The following ATG4A variants were observed in gnomAD, a reference collection of about 807,000 sequenced individuals.
ATG4A encodes the protein cysteine protease ATG4A.
A neutral mutation model predicts 38.4 loss-of-function variants in ATG4A; 22 were observed. That is an observed-to-expected ratio of 0.57 (90% CI 0.41 to 0.82). ATG4A has a LOEUF of 0.82. ATG4A is among the 40% of genes least tolerant of loss of function. The pLI, the probability that ATG4A is intolerant of heterozygous loss-of-function variation, is 0.00. For synonymous variants in ATG4A, 86 were observed against 100.7 expected (o/e 0.85, Z 0.88); for missense variants, 220 against 290.0 (o/e 0.76, Z 1.75).
At chrX:108,112,648 G>A (rs900882074) in intron 1 of ATG4A, among the ~76,000 whole-genome samples, 2 of 110,755 alleles carry the variant, frequency 1.8e-5, no homozygotes, top group Non-Finnish European at 3.8e-5. Context: ...GCCCGCCTCC[G>A]CCTCCCAAAG....
intron 9 of ATG4A, 66 bp from the exon 10 acceptor site, chrX:108,150,086 C>G: frequency 8.8e-7 from 1 of 1,130,466 alleles, no homozygotes; most frequent in East Asian, 3.0e-5. Context: ...AGTGCCTCCT[C>G]CCAACAACAG....
In ATG4A at chrX:108,148,020, A is replaced by AAT. The variant is rs60886281; in HGVS notation, c.815-2077_815-2076dup. Among the ~76,000 whole-genome samples, 142 of 79,929 alleles carry AAT rather than the reference A, an allele frequency of 1.8e-3. 1 individual carries two copies. Among genetic ancestry groups the AAT allele is most frequent in the Non-Finnish European group, 2.6e-3 (111 of 42,028 alleles). 69.4% of individuals were successfully genotyped at this position (79,929 alleles called of 115,157 possible). ...CTCTAGAGGGACAGAACTAATGGAA[A>AAT]ATATATATATATATATATATATATA... On this transcript the variant is annotated intron_variant, in intron 9 of 12. Coordinates refer to ENST00000372232, the MANE Select transcript of ATG4A (RefSeq NM_052936.5).
rs188786829 is a variant in ATG4A, at chrX:108,137,978, T to C, written c.722T>C (p.Val241Ala). 7.3e-4 allele frequency: 876 copies of C among 1,199,653 alleles called. No individual in the cohort carries two copies. Among genetic ancestry groups the C allele is most frequent in the Non-Finnish European group, 8.6e-4 (768 of 890,198 alleles). The change falls in exon 8 of 13, where the codon GTT (valine) becomes GCT (alanine). Residue 241 changes from valine (V) to alanine (A), a missense_variant. This residue lies in a region of ATG4A where 159 missense variants were observed against 188.9 expected (regional missense o/e 0.84). Coordinates refer to ENST00000372232, the MANE Select transcript of ATG4A (RefSeq NM_052936.5). ...ATAAACCAAATCAATCCTGTCTATG[T>C]TGATGCATTCAAAGTAAGTCACTTC... ...LGINQINPVYVDAFKECFKMP... is the reference protein window; with the variant it reads ...LGINQINPVYADAFKECFKMP...
At chrX:108,107,534 CT>C (rs1233205489) in intron 1 of ATG4A, among the ~76,000 whole-genome samples, 1 of 112,237 alleles carries the variant, frequency 8.9e-6, no homozygotes, top group East Asian at 2.8e-4. Context: ...TGTTGAATGT[CT>C]TTTCTCATTC....
intron 9 of ATG4A, among the ~76,000 whole-genome samples, chrX:108,138,955 G>C (rs2033171107): frequency 8.9e-6 from 1 of 111,898 alleles, no homozygotes; most frequent in African/African-American, 3.3e-5. Context: ...CTAAACACCT[G>C]GTTAGTGTTG....
chrX:108,137,911 G>A lies in ATG4A; in HGVS notation c.655G>A (p.Ala219Thr). The A allele has an allele frequency of 1.7e-6, 2 of 1,208,857 alleles. No individual in the cohort carries two copies. The highest frequency in any genetic ancestry group is 2.2e-6 in the Non-Finnish European group (2 of 894,342). ...QSKGTSAYCS[A>T]WKPLLLIVPL... ...TAAGGGCACCTCTGCCTACTGCTCAGCCTGGAAACCCCTGCTGCTCATTGT... is the reference window on the plus strand; with the variant it reads ...TAAGGGCACCTCTGCCTACTGCTCAACCTGGAAACCCCTGCTGCTCATTGT... Residue 219 changes from alanine to threonine, a missense_variant, in exon 8 of 13, where the codon GCC (alanine) becomes ACC (threonine). Transcript: ENST00000372232.
At chrX:108,146,826 C>T (rs907995817) in intron 9 of ATG4A, among the ~76,000 whole-genome samples, 1 of 111,223 alleles carries the variant, frequency 9.0e-6, no homozygotes, top group African/African-American at 3.3e-5. Context: ...ATCCATATTT[C>T]AGCTAACCAA....
chrX:108,142,016 T>C lies in ATG4A; in HGVS notation c.814+3825T>C, dbSNP rs2033307364. ...AATACTATGTGGCCATAAAAAGTAA[T>C]GAAATCATGTCCTCTGAAGCAACAT... On this transcript the variant is annotated intron_variant, in intron 9 of 12. Transcript: ENST00000372232. 3.6e-5 allele frequency among the ~76,000 whole-genome samples: 4 copies of C among 111,273 alleles called. No homozygotes were observed. In the Admixed American group the frequency reaches 3.8e-4, roughly 11 times the overall value.
intron 1 of ATG4A, among the ~76,000 whole-genome samples, chrX:108,121,092 T>C (rs1442761067): frequency 1.8e-5 from 2 of 112,119 alleles, no homozygotes; most frequent in Admixed American, 9.5e-5. Flanking sequence ...TTCTGTTTTC[T>C]AAGTTCTTGG....
Position 108,151,794 on chromosome X carries a change from C to T in ATG4A, c.961-8C>T, listed in dbSNP as rs751716598. The stretch of plus-strand genomic sequence containing the variant: ...ATTCTAAGTTGTGTTCTTTTGCTTT[C>T]CCCCAAGGGATTTTTCTGCAAAGAA... On this transcript the variant is annotated splice_polypyrimidine_tract_variant and splice_region_variant and intron_variant, in intron 10 of 12. Transcript: ENST00000372232. The T allele has an allele frequency of 1.2e-5, 14 of 1,205,296 alleles. No homozygotes were observed. In the Admixed American group the frequency reaches 2.8e-4, roughly 24 times the overall value.
Position 108,151,842 on chromosome X carries a change from G to A in ATG4A, c.1001G>A (p.Cys334Tyr). The change falls in exon 11 of 13, where the codon TGT becomes TAT. Residue 334 changes from cysteine (C) to tyrosine (Y), a missense_variant. Transcript: ENST00000372232. ...GAAGAAAAAGACTTTGATAACTGGT[G>A]TAGCCTTGTTCAGAAGGTAAAGCTA... ...CKEEKDFDNW[C>Y]SLVQKEILKE... 1 of 1,206,730 alleles carries A rather than the reference G, an allele frequency of 8.3e-7. No individual in the cohort carries two copies. The highest frequency in any genetic ancestry group is 1.1e-6 in the Non-Finnish European group (1 of 891,791).
At chrX:108,134,185 G>A in intron 5 of ATG4A, 27 bp downstream of exon 5, 1 of 1,161,603 alleles carries the variant, frequency 8.6e-7, no homozygotes. Flanking sequence ...ATAGTTTAAA[G>A]GCAGTGCCTA....
At chrX:108,109,872 A>G (rs371821955) in intron 1 of ATG4A, among the ~76,000 whole-genome samples, 1 of 111,670 alleles carries the variant, frequency 9.0e-6, no homozygotes, top group African/African-American at 3.3e-5. Context: ...TGATTACTGT[A>G]ACTTTATAAT....
At chrX:108,096,666 A>ATTATT (rs4036580) in intron 1 of ATG4A, among the ~76,000 whole-genome samples, 8 of 109,719 alleles carry the variant, frequency 7.3e-5, no homozygotes, top group African/African-American at 2.7e-4. Flanking sequence ...ATTTTATTTT[A>ATTATT]TTATTTTATT....
chrX:108,111,207 G>T (rs2032346637), intron 1 of ATG4A, among the ~76,000 whole-genome samples: 1 of 111,807 alleles, frequency 8.9e-6, no homozygotes, highest in Admixed American at 9.4e-5. Context: ...GGCTCTCATT[G>T]CTATCCTTCT....
chrX:108,129,869 C>A (rs2032908810), intron 3 of ATG4A, among the ~76,000 whole-genome samples: 1 of 104,757 alleles, frequency 9.5e-6, no homozygotes, highest in African/African-American at 3.5e-5. Context: ...CGCTCCCGGC[C>A]CTTTTTTTTT....
chrX:108,152,022 A>G lies in ATG4A; in HGVS notation c.1017+164A>G, dbSNP rs1374026094. On this transcript the variant is annotated intron_variant, in intron 11 of 12. Coordinates refer to ENST00000372232, the MANE Select transcript of ATG4A (RefSeq NM_052936.5). ...AACTATCAGGTGTGGGGAATTGTGCATAACTTCGGGGAAACTGAACAAAAA... is the reference window on the plus strand; with the variant it reads ...AACTATCAGGTGTGGGGAATTGTGCGTAACTTCGGGGAAACTGAACAAAAA... The G allele has an allele frequency of 4.7e-5, 23 of 488,321 alleles. No homozygotes were observed. In the South Asian group the frequency reaches 9.5e-4, roughly 20 times the overall value. 40.2% of individuals were successfully genotyped at this position (488,321 alleles called of 1,213,427 possible).
At chrX:108,107,513 A>G (rs189727468) in intron 1 of ATG4A, among the ~76,000 whole-genome samples, 1 of 112,397 alleles carries the variant, frequency 8.9e-6, no homozygotes, top group East Asian at 2.8e-4. Flanking sequence ...TGTCATATCA[A>G]TGTTGGTGTC....
At chrX:108,111,887 G>C (rs994594500) in intron 1 of ATG4A, among the ~76,000 whole-genome samples, 1 of 111,311 alleles carries the variant, frequency 9.0e-6, no homozygotes, top group African/African-American at 3.3e-5. Context: ...TTGTTGCTCA[G>C]ACTGGTCTCA....
Sources: gnomAD v4.1 joint callset for allele counts (sites outside exome capture counted in the v4.1 genomes callset) on GRCh38, gnomAD v4.1.1 for gene constraint, gnomAD v4.1.1 regional missense constraint, MANE v1.5 for transcripts, NCBI Gene and HGNC (gene_info 2026-07-23, HGNC 2026-07-21) for gene names.